Variants in KCNB2 observed in about 807,000 individuals in gnomAD.
KCNB2 encodes the protein potassium voltage-gated channel subfamily B member 2.
KCNB2 carries 15 observed loss-of-function variants against 61.5 expected under a neutral mutation model. The observed-to-expected ratio is 0.24, with a 90% CI of 0.16 to 0.38. The LOEUF is 0.38. Among genes scored for constraint, KCNB2 ranks in the 10% least tolerant of loss-of-function variants. The pLI, the probability that KCNB2 is intolerant of heterozygous loss-of-function variation, is 1.00. For synonymous variants in KCNB2, 457 were observed against 446.0 expected (o/e 1.02, Z -0.31); for missense variants, 828 against 1,125.2 (o/e 0.74, Z 3.78).
At chr8:72,694,714 C>T (rs2251982) in intron 2 of KCNB2, among the ~76,000 whole-genome samples, 35,516 of 151,750 alleles carry the variant, frequency 0.23, 6,802 homozygotes, top group African/African-American at 0.53. Context: ...CTGGATCAAG[C>T]AACAATTAAT....
At chr8:72,814,261 C>CAGCTTCCA (rs1330874066) in intron 2 of KCNB2, among the ~76,000 whole-genome samples, 1 of 152,156 alleles carries the variant, frequency 6.6e-6, no homozygotes, top group Non-Finnish European at 1.5e-5. Context: ...AGCATTTAAA[C>CAGCTTCCA]AGCTTCCAGT....
At chr8:72,590,232 C>T (rs191509943) in intron 2 of KCNB2, among the ~76,000 whole-genome samples, 1 of 152,218 alleles carries the variant, frequency 6.6e-6, no homozygotes, top group East Asian at 1.9e-4. Context: ...TCATGTGGTA[C>T]AGCAAGGATA....
At chr8:72,774,820 A>C (rs558693622) in intron 2 of KCNB2, among the ~76,000 whole-genome samples, 1 of 152,298 alleles carries the variant, frequency 6.6e-6, no homozygotes, top group South Asian at 2.1e-4. Context: ...GTGAGGATCT[A>C]GTATTAATTC....
intron 2 of KCNB2, among the ~76,000 whole-genome samples, chr8:72,859,706 CGTTTTTTTTTT>C (rs1810265451): frequency 1.4e-5 from 1 of 73,442 alleles, no homozygotes; most frequent in African/African-American, 5.9e-5. Flanking sequence ...TACTTCATTT[CGTTTTTTTTTT>C]TTTTTTTTTT....
intron 2 of KCNB2, among the ~76,000 whole-genome samples, chr8:72,731,737 G>A (rs78369668): frequency 2.0e-3 from 308 of 152,340 alleles, no homozygotes; most frequent in African/African-American, 7.2e-3. Flanking sequence ...GAAGAGGAGA[G>A]AAAAACAGAT....
In KCNB2 at chr8:72,605,196, C is replaced by T. The variant is rs752450700; in HGVS notation, c.579+36883C>T. On this transcript the variant is annotated intron_variant, in intron 2 of 2. Transcript: ENST00000523207. ...GGGAAAATGTCAGGAAGAAATGCAA[C>T]GCCCCATTGCACTACAGCTGTGCTC... 9.2e-5 allele frequency among the ~76,000 whole-genome samples: 14 copies of T among 152,304 alleles called. No homozygotes were observed. In the East Asian group the frequency reaches 1.9e-3, roughly 21 times the overall value.
chr8:72,784,571 T>C (rs1256588091), intron 2 of KCNB2, among the ~76,000 whole-genome samples: 1 of 152,104 alleles, frequency 6.6e-6, no homozygotes, highest in Non-Finnish European at 1.5e-5. Context: ...AACATGTCCT[T>C]CTTCACATGA....
chr8:72,729,243 T>C (rs954675229), intron 2 of KCNB2, among the ~76,000 whole-genome samples: 3 of 152,236 alleles, frequency 2.0e-5, no homozygotes, highest in African/African-American at 2.4e-5. Flanking sequence ...CCATTGACTT[T>C]GCATATTGTT....
chr8:72,846,037 C>T (rs10111864), intron 2 of KCNB2, among the ~76,000 whole-genome samples: 129,330 of 151,632 alleles, frequency 0.85, 56,127 homozygotes, highest in Middle Eastern at 0.97. Flanking sequence ...CACAATCAGC[C>T]GCCCAGTTTT....
chr8:72,609,213 T>G (rs1805500637), intron 2 of KCNB2, among the ~76,000 whole-genome samples: 1 of 152,186 alleles, frequency 6.6e-6, no homozygotes, highest in Non-Finnish European at 1.5e-5. Flanking sequence ...GTTTCTTAGA[T>G]CAAGTATGTC....
chr8:72,578,028 C>T (rs921467501), intron 2 of KCNB2, among the ~76,000 whole-genome samples: 1 of 152,088 alleles, frequency 6.6e-6, no homozygotes, highest in African/African-American at 2.4e-5. Flanking sequence ...TTGTATCTGG[C>T]AACATTTTGT....
Position 72,937,869 on chromosome 8 carries a change from T to A in KCNB2, c.2514T>A (p.Pro838=). 6.2e-7 allele frequency: 1 copy of A among 1,614,070 alleles called. No individual in the cohort carries two copies. The highest frequency in any genetic ancestry group is 8.5e-7 in the Non-Finnish European group (1 of 1,179,996). Residue 838 remains proline, a synonymous_variant, in exon 3 of 3, where the codon CCT becomes CCA. Transcript: ENST00000523207. Reference sequence around the variant, plus strand: ...GCCCAAATTGCTTTGCAGATAAGCCTAGTGATGGGAGAGACCCTTTAAGAG... The same window carrying A: ...GCCCAAATTGCTTTGCAGATAAGCCAAGTGATGGGAGAGACCCTTTAAGAG... The part of the protein sequence containing the change: ...DSSPNCFADK[P]SDGRDPLREE...
chr8:72,645,737 T>A (rs1406758044), intron 2 of KCNB2, among the ~76,000 whole-genome samples: 1 of 152,194 alleles, frequency 6.6e-6, no homozygotes, highest in Non-Finnish European at 1.5e-5. Flanking sequence ...ACTCATGAAT[T>A]AAACCACACC....
intron 2 of KCNB2, among the ~76,000 whole-genome samples, chr8:72,733,231 T>G (rs965794573): frequency 4.6e-5 from 7 of 152,162 alleles, no homozygotes; most frequent in Non-Finnish European, 7.3e-5. Context: ...AAATAAAGAT[T>G]TAGCAAAATG....
intron 2 of KCNB2, among the ~76,000 whole-genome samples, chr8:72,652,045 C>T (rs2128986487): frequency 6.6e-6 from 1 of 152,166 alleles, no homozygotes; most frequent in South Asian, 2.1e-4. Flanking sequence ...CTATAAATTT[C>T]ATCTCCATAA....
intron 2 of KCNB2, among the ~76,000 whole-genome samples, chr8:72,913,750 A>ATCGGATCAGACCTGGTCTTC (rs1806342194): frequency 6.6e-6 from 1 of 152,236 alleles, no homozygotes; most frequent in African/African-American, 2.4e-5. Context: ...ACCTGGTCTT[A>ATCGGATCAGACCTGGTCTTC]TCAGATCAGA....
Position 72,923,943 on chromosome 8 carries a change from A to T in KCNB2, c.580-11992A>T, listed in dbSNP as rs963630287. Among the ~76,000 whole-genome samples, 4 of 152,266 alleles carry T rather than the reference A, an allele frequency of 2.6e-5. No homozygotes were observed. In the South Asian group the frequency reaches 6.2e-4, roughly 24 times the overall value. On this transcript the variant is annotated intron_variant, in intron 2 of 2. Coordinates refer to ENST00000523207, the MANE Select transcript of KCNB2 (RefSeq NM_004770.3). ...AAAACATCTTCACATGCATTATATC[A>T]TTTCAGCACTACACCCTACTTCTGT... is the stretch of plus-strand genomic sequence containing the variant.
rs530966254 is a variant in KCNB2, at chr8:72,686,355, T to C, written c.579+118042T>C. ...CAGAATATGATCATCCTTTTTTGGA[T>C]ATTTTTTTTTGAAACAAGGTCTTGC... On this transcript the variant is annotated intron_variant, in intron 2 of 2. Transcript: ENST00000523207. Among the ~76,000 whole-genome samples the C allele has an allele frequency of 1.4e-3, 218 of 152,100 alleles. 1 individual carries two copies. Among genetic ancestry groups the C allele is most frequent in the Non-Finnish European group, 2.6e-3 (176 of 68,014 alleles).
intron 2 of KCNB2, among the ~76,000 whole-genome samples, chr8:72,883,641 C>T (rs1297123817): frequency 6.6e-6 from 1 of 152,138 alleles, no homozygotes; most frequent in Non-Finnish European, 1.5e-5. Flanking sequence ...ATAGCTGAAG[C>T]TCCCCCCAGT....
Sources: allele counts gnomAD v4.1 joint callset (sites outside exome capture counted in the v4.1 genomes callset), GRCh38; gene constraint gnomAD v4.1.1; transcripts MANE v1.5; gene names NCBI Gene and HGNC (gene_info 2026-07-23, HGNC 2026-07-21).